The following COL24A1 variants were observed in gnomAD, a reference collection of about 807,000 sequenced individuals.
The protein encoded by COL24A1 is collagen alpha-1(XXIV) chain.
COL24A1 carries 224 observed loss-of-function variants against 253.9 expected under a neutral mutation model. The ratio of observed to expected loss-of-function variants is 0.88; its 90% CI spans 0.79 to 0.99. The LOEUF (loss-of-function observed/expected upper bound fraction) is 0.99. Ranked by LOEUF, COL24A1 falls within the 50% of genes least tolerant of loss-of-function variation. COL24A1 has a pLI of 0.00. For missense variants in COL24A1, 2,131 were observed against 2,068.5 expected (o/e 1.03, Z -0.59); for synonymous variants, 685 against 673.7 (o/e 1.02, Z -0.26).
At chr1:85,782,625 A>G (rs1266273728) in intron 51 of COL24A1, among the ~76,000 whole-genome samples, 1 of 152,214 alleles carries the variant, frequency 6.6e-6, no homozygotes, top group Non-Finnish European at 1.5e-5. Context: ...TATTGACAAC[A>G]ATTTATTGTA....
At chr1:86,101,271 TA>T (rs1315315885) in intron 5 of COL24A1, among the ~76,000 whole-genome samples, 1 of 152,180 alleles carries the variant, frequency 6.6e-6, no homozygotes, top group Admixed American at 6.5e-5. Flanking sequence ...TATATCAGCT[TA>T]AGGAGCTTTG....
At chr1:85,862,256 G>A (rs904836602) in intron 37 of COL24A1, among the ~76,000 whole-genome samples, 5 of 152,060 alleles carry the variant, frequency 3.3e-5, no homozygotes, top group African/African-American at 9.7e-5. Context: ...TATCCCTAAT[G>A]TTTAGCAGAG....
chr1:85,758,984 C>T (rs1666558508), intron 55 of COL24A1, among the ~76,000 whole-genome samples: 1 of 31,286 alleles, frequency 3.2e-5, no homozygotes, highest in African/African-American at 5.3e-5. Context: ...ATTAAGCAGT[C>T]CCTCCCCAAT....
chr1:85,877,064 T>G (rs1003591685), intron 33 of COL24A1, 58 bp downstream of exon 33: 1 of 1,213,366 alleles, frequency 8.2e-7, no homozygotes, highest in Non-Finnish European at 1.2e-6. Context: ...TAATTTTACC[T>G]TAGAGTCTTA....
intron 2 of COL24A1, among the ~76,000 whole-genome samples, chr1:86,144,119 T>C (rs1247511881): frequency 6.6e-6 from 1 of 152,086 alleles, no homozygotes; most frequent in Non-Finnish European, 1.5e-5. Context: ...AGAGGTTTTC[T>C]AAAGGACTTT....
chr1:85,970,127 G>A, intron 22 of COL24A1, 100 bp downstream of exon 22: 1 of 1,061,062 alleles, frequency 9.4e-7, no homozygotes, highest in Non-Finnish European at 1.3e-6. Context: ...TTTCATTTTT[G>A]TCCTTTACTA....
At chr1:85,966,947 T>G (rs1030541559) in intron 22 of COL24A1, among the ~76,000 whole-genome samples, 1 of 152,130 alleles carries the variant, frequency 6.6e-6, no homozygotes, top group Non-Finnish European at 1.5e-5. Flanking sequence ...GTTTTTAAGC[T>G]AGAAGAATAA....
chr1:85,998,783 A>G (rs1695117776), intron 19 of COL24A1, among the ~76,000 whole-genome samples: 1 of 152,186 alleles, frequency 6.6e-6, no homozygotes, highest in African/African-American at 2.4e-5. Context: ...GGCTCCTTAA[A>G]CTTCAGATTC....
chr1:86,017,954 T>C (rs1160528245), intron 18 of COL24A1, among the ~76,000 whole-genome samples: 1 of 152,064 alleles, frequency 6.6e-6, no homozygotes, highest in Non-Finnish European at 1.5e-5. Context: ...GTTTCTGACA[T>C]TCATGATAAA....
intron 37 of COL24A1, among the ~76,000 whole-genome samples, chr1:85,859,335 T>C (rs1050511578): frequency 1.3e-5 from 2 of 152,166 alleles, no homozygotes; most frequent in African/African-American, 2.4e-5. Flanking sequence ...ATGCATTAAA[T>C]GTTGAAAGTA....
At chr1:85,951,032 T>G (rs1405414635) in intron 24 of COL24A1, among the ~76,000 whole-genome samples, 2 of 152,192 alleles carry the variant, frequency 1.3e-5, no homozygotes, top group Non-Finnish European at 2.9e-5. Flanking sequence ...GAAATGTCCT[T>G]CCTTATTCCG....
intron 51 of COL24A1, among the ~76,000 whole-genome samples, chr1:85,782,466 T>C (rs1464892903): frequency 2.6e-5 from 4 of 151,942 alleles, no homozygotes; most frequent in Admixed American, 6.6e-5. Flanking sequence ...ATAAGTATGA[T>C]AGACTGGATG....
rs1049290873 is a variant in COL24A1, at chr1:86,022,409, T to G, written c.2203-116A>C. ...TATGCTAAAATATTGAGACAAAAGT[T>G]TCAAACAAGAACTTAAAACCATATT... On this transcript the variant is annotated intron_variant, in intron 17 of 59. Coordinates refer to ENST00000370571, the MANE Select transcript of COL24A1 (RefSeq NM_152890.7). 7 of 1,367,758 alleles carry G rather than the reference T, an allele frequency of 5.1e-6. No individual in the cohort carries two copies. In the African/African-American group the frequency reaches 8.7e-5, roughly 17 times the overall value. The allele number at this position is 1,367,758 out of a possible 1,614,324, so 84.7% of individuals were successfully genotyped here. A position where few individuals can be genotyped will look rare whatever the true frequency, so the allele number is the denominator to read the frequency against.
intron 43 of COL24A1, 62 bp downstream of exon 43, chr1:85,838,523 T>C (rs961305199): frequency 2.1e-6 from 3 of 1,431,498 alleles, no homozygotes; most frequent in Admixed American, 3.4e-5. Context: ...ATGGAAAAAA[T>C]GGAATAGAAA....
chr1:85,825,306 C>G (rs1674156157), intron 43 of COL24A1, among the ~76,000 whole-genome samples: 1 of 152,098 alleles, frequency 6.6e-6, no homozygotes, highest in African/African-American at 2.4e-5. Context: ...GCCACATTTT[C>G]TTAATCCAGT....
At chr1:86,061,091 T>G (rs1453422216) in intron 8 of COL24A1, among the ~76,000 whole-genome samples, 2 of 152,018 alleles carry the variant, frequency 1.3e-5, no homozygotes, top group Non-Finnish European at 2.9e-5. Flanking sequence ...GATACTTAGC[T>G]AATAAGTAGG....
chr1:86,012,817 T>C (rs1039939969), intron 19 of COL24A1, among the ~76,000 whole-genome samples: 1 of 152,206 alleles, frequency 6.6e-6, no homozygotes, highest in African/African-American at 2.4e-5. Flanking sequence ...ATCTCCTGCC[T>C]ACTTTTCCAA....
chr1:86,049,442 G>A (rs1700147823), intron 11 of COL24A1, among the ~76,000 whole-genome samples: 2 of 152,154 alleles, frequency 1.3e-5, no homozygotes, highest in South Asian at 2.1e-4. Context: ...TGATAGGGGT[G>A]AAGGCTGAAT....
intron 28 of COL24A1, 83 bp downstream of exon 28, chr1:85,907,111 G>A: frequency 9.3e-7 from 1 of 1,073,120 alleles, no homozygotes; most frequent in Non-Finnish European, 1.4e-6. Flanking sequence ...TAGAAGGTAT[G>A]ATGCTATTTT....
Sources: gnomAD v4.1 joint callset for allele counts (sites outside exome capture counted in the v4.1 genomes callset) on GRCh38, gnomAD v4.1.1 for gene constraint, MANE v1.5 for transcripts, NCBI Gene and HGNC (gene_info 2026-07-23, HGNC 2026-07-21) for gene names.